The following NMRK1 variants were observed in gnomAD, a reference collection of about 807,000 sequenced individuals.
The protein encoded by NMRK1 is nicotinamide riboside kinase 1, also known as NRK 1.
In NMRK1, 28 loss-of-function variants were observed where a neutral mutation model predicts 29.9. That is an observed-to-expected ratio of 0.94 (90% CI 0.69 to 1.28). The LOEUF (loss-of-function observed/expected upper bound fraction) is 1.28. Among genes scored for constraint, NMRK1 ranks in the 50% most tolerant of loss-of-function variants. The probability of loss-of-function intolerance (pLI) is 0.00; values close to 1 mark genes in which losing one functional copy is unlikely to be tolerated. For missense variants in NMRK1, 218 were observed against 233.1 expected (o/e 0.94, Z 0.42); for synonymous variants, 58 against 73.0 (o/e 0.79, Z 1.05).
intron 2 of NMRK1, among the ~76,000 whole-genome samples, chr9:75,079,544 C>T (rs1824196632): frequency 6.6e-6 from 1 of 152,180 alleles, no homozygotes; most frequent in Admixed American, 6.5e-5. Flanking sequence ...GAGAAATACA[C>T]ACCCCATTTT....
intron 3 of NMRK1, 24 bp downstream of exon 3, chr9:75,077,466 T>C (rs1245752598): frequency 2.8e-6 from 4 of 1,451,936 alleles, no homozygotes; most frequent in East Asian, 2.3e-5. Context: ...ATTAAATAAA[T>C]AATTTAAGAA....
At chr9:75,087,850 G>C (rs3812513) in intron 1 of NMRK1, 158 bp downstream of exon 1, 21,600 of 152,290 alleles carry the variant, frequency 0.14, 2,010 homozygotes, top group Admixed American at 0.19. Context: ...CGTCCTCCTC[G>C]GCAGGCCACC....
Position 75,077,166 on chromosome 9 carries a change from C to G in NMRK1, c.162G>C (p.Gln54His), listed in dbSNP as rs370567881. ...EIETDKNGFL[Q>H]YDVLEALNME... ...ACAAGTAAATCTACTTACCATCGTA[C>G]TGCAAAAATCCATTTTTATCTGTCT... Residue 54 changes from glutamine (Q) to histidine (H), a missense_variant, in exon 4 of 9, where the codon CAG (glutamine) becomes CAC (histidine). Transcript: ENST00000361092. 7.3e-5 allele frequency: 115 copies of G among 1,583,212 alleles called. No homozygotes were observed. Among genetic ancestry groups the G allele is most frequent in the Non-Finnish European group, 9.6e-5 (111 of 1,155,840 alleles).
At chr9:75,082,405 A>C (rs1037561881) in intron 2 of NMRK1, among the ~76,000 whole-genome samples, 2 of 152,250 alleles carry the variant, frequency 1.3e-5, no homozygotes, top group Admixed American at 1.3e-4. Context: ...TTTCCCCAAA[A>C]TTACAAACAA....
rs188853109 is a variant in NMRK1 at position 75,063,041 on chromosome 9, T to C, written c.581-1474A>G. Reference sequence around the variant, plus strand: ...ACAACTCCATATTGGCTGGGCACAGTGGTTCACACCTGTAATCCCAGCATT... The same window carrying C: ...ACAACTCCATATTGGCTGGGCACAGCGGTTCACACCTGTAATCCCAGCATT... On this transcript the variant is annotated intron_variant, in intron 8 of 8. Transcript: ENST00000361092. Among the ~76,000 whole-genome samples the C allele has an allele frequency of 6.7e-3, 998 of 148,952 alleles. 6 individuals carry two copies. Among genetic ancestry groups the C allele is most frequent in the Middle Eastern group, 0.015 (4 of 270 alleles).
chr9:75,086,929 CAG>C (rs1824683759), intron 1 of NMRK1, among the ~76,000 whole-genome samples: 1 of 127,204 alleles, frequency 7.9e-6, no homozygotes, highest in African/African-American at 3.0e-5. Flanking sequence ...TTTTTTAAGA[CAG>C]AGTCTCGCTC....
chr9:75,074,772 C>G (rs996461465), intron 4 of NMRK1, among the ~76,000 whole-genome samples: 2 of 152,178 alleles, frequency 1.3e-5, no homozygotes, highest in Admixed American at 1.3e-4. Flanking sequence ...CCTCTACAAA[C>G]TTGGTAGTTC....
intron 8 of NMRK1, among the ~76,000 whole-genome samples, chr9:75,066,474 C>T (rs1213732691): frequency 1.3e-5 from 2 of 152,118 alleles, no homozygotes; most frequent in Non-Finnish European, 2.9e-5. Context: ...TACTTCCAGT[C>T]CCATTTGGTA....
At chr9:75,076,358 T>A (rs930539230) in intron 4 of NMRK1, among the ~76,000 whole-genome samples, 4 of 152,028 alleles carry the variant, frequency 2.6e-5, no homozygotes, top group African/African-American at 9.7e-5. Context: ...CTCATGCATA[T>A]GTGGGAGCTA....
At chr9:75,068,110 T>A (rs7021664) in intron 7 of NMRK1, among the ~76,000 whole-genome samples, 1 of 152,090 alleles carries the variant, frequency 6.6e-6, no homozygotes, top group Non-Finnish European at 1.5e-5. Context: ...TTCTAACATC[T>A]GTCAGTTGCT....
At chr9:75,067,235 G>A in intron 7 of NMRK1, 1 of 167,944 alleles carries the variant, frequency 6.0e-6, no homozygotes, top group South Asian at 1.5e-4. Context: ...GGATCACCTG[G>A]GAAGCTTCTT....
intron 2 of NMRK1, among the ~76,000 whole-genome samples, chr9:75,079,096 T>C (rs957770989): frequency 1.1e-4 from 17 of 152,212 alleles, no homozygotes; most frequent in African/African-American, 3.9e-4. Context: ...CAAATACTTA[T>C]AATCTAGAAA....
At position 75,062,887 on chromosome 9, in the gene NMRK1, C is replaced by T. The variant is rs531303755; in HGVS notation, c.581-1320G>A. ...TCTTAACTAAAAATACAAAAATTAG[C>T]AGGGCGTGGTAGTGCGTACCTGTAA... On this transcript the variant is annotated intron_variant, in intron 8 of 8. Transcript: ENST00000361092. Among the ~76,000 whole-genome samples the T allele has an allele frequency of 2.0e-5, 3 of 152,198 alleles. No individual in the cohort carries two copies. The East Asian group carries it at 5.8e-4, about 29-fold the overall frequency.
intron 8 of NMRK1, among the ~76,000 whole-genome samples, chr9:75,063,830 G>A (rs1404382120): frequency 1.3e-5 from 2 of 152,134 alleles, no homozygotes; most frequent in East Asian, 3.9e-4. Flanking sequence ...AGGATACTGT[G>A]GATGGAAGAA....
intron 1 of NMRK1, chr9:75,087,478 G>C (rs750414704): frequency 6.6e-6 from 1 of 151,956 alleles, no homozygotes; most frequent in African/African-American, 2.4e-5. Flanking sequence ...ATGCGAAAGC[G>C]GCCACAGAAA....
intron 1 of NMRK1, among the ~76,000 whole-genome samples, chr9:75,084,515 A>G (rs1013538790): frequency 6.6e-6 from 1 of 152,250 alleles, no homozygotes; most frequent in Non-Finnish European, 1.5e-5. Flanking sequence ...GCAGCAGGGC[A>G]CTGTGGCTCA....
At chr9:75,079,813 CAT>C (rs1352039814) in intron 2 of NMRK1, among the ~76,000 whole-genome samples, 1 of 152,136 alleles carries the variant, frequency 6.6e-6, no homozygotes, top group Non-Finnish European at 1.5e-5. Context: ...CCACCCAAAA[CAT>C]GTGGGAAAGG....
At chr9:75,081,087 T>C (rs573491607) in intron 2 of NMRK1, among the ~76,000 whole-genome samples, 1 of 152,368 alleles carries the variant, frequency 6.6e-6, no homozygotes, top group South Asian at 2.1e-4. Flanking sequence ...AGTTCATGGA[T>C]GCCCCCTGAA....
intron 3 of NMRK1, 83 bp from the exon 4 acceptor site, chr9:75,077,290 T>C: frequency 9.9e-7 from 1 of 1,014,140 alleles, no homozygotes; most frequent in Non-Finnish European, 1.5e-6. Context: ...GAGAAGTCTT[T>C]AATAAATGCT....
Sources: allele counts gnomAD v4.1 joint callset (sites outside exome capture counted in the v4.1 genomes callset), GRCh38; gene constraint gnomAD v4.1.1; transcripts MANE v1.5; gene names NCBI Gene and HGNC (gene_info 2026-07-23, HGNC 2026-07-21).